DOCK10: variants seen among roughly 807,000 people sequenced by gnomAD.
DOCK10 encodes the protein dedicator of cytokinesis protein 10.
DOCK10 carries 145 observed loss-of-function variants against 280.1 expected under a neutral mutation model. The observed-to-expected ratio is 0.52, with a 90% CI of 0.45 to 0.59. DOCK10 has a LOEUF of 0.59. DOCK10 is among the 20% of genes least tolerant of loss of function. The pLI is 0.00. For synonymous variants in DOCK10, 915 were observed against 942.2 expected (o/e 0.97, Z 0.53); for missense variants, 2,368 against 2,651.7 (o/e 0.89, Z 2.35).
In DOCK10 at chr2:224,943,388, G is replaced by A. The variant is rs147953361; in HGVS notation, c.124-11720C>T. Among the ~76,000 whole-genome samples the A allele has an allele frequency of 6.4e-4, 97 of 152,220 alleles. 2 individuals carry two copies. Among genetic ancestry groups the A allele is most frequent in the Middle Eastern group, 3.4e-3 (1 of 294 alleles). On this transcript the variant is annotated intron_variant, in intron 1 of 55. Transcript: ENST00000258390. ...ATACAGACTAGTCCATCTGGGTCAAGAGGGTATAAAATCTGGGTTGCATAA... is the reference window on the plus strand; with the variant it reads ...ATACAGACTAGTCCATCTGGGTCAAAAGGGTATAAAATCTGGGTTGCATAA...
chr2:224,896,057 T>A lies in DOCK10; in HGVS notation c.416+238A>T, dbSNP rs142497446. On this transcript the variant is annotated intron_variant, in intron 4 of 55. Transcript: ENST00000258390. The stretch of plus-strand genomic sequence containing the variant: ...ATAATAATACAATGATAAATGAACG[T>A]CAAAACTACATTAAAAAATTAAATC... 4.0e-3 allele frequency among the ~76,000 whole-genome samples: 613 copies of A among 152,236 alleles called. 3 individuals carry two copies. The highest frequency in any genetic ancestry group is 0.01 in the South Asian group (49 of 4,830).
intron 1 of DOCK10, among the ~76,000 whole-genome samples, chr2:224,996,695 G>A (rs1425868478): frequency 6.6e-6 from 1 of 152,190 alleles, no homozygotes; most frequent in Non-Finnish European, 1.5e-5. Context: ...ATGTCAATAA[G>A]CATCAGCAAT....
In DOCK10 at chr2:224,804,993, A is replaced by C; in HGVS notation, c.4118+65T>G. ...ACTATATGGGTTCTTGAAATGAAAC[A>C]TGGTATAGTGGACTATTTAGAAATT... On this transcript the variant is annotated intron_variant, in intron 37 of 55. Transcript: ENST00000258390. The C allele has an allele frequency of 5.0e-6, 7 of 1,403,256 alleles. No homozygotes were observed. In the South Asian group the frequency reaches 9.5e-5, roughly 19 times the overall value. 86.9% of individuals were successfully genotyped at this position (1,403,256 alleles called of 1,614,324 possible). A position where few individuals can be genotyped will look rare whatever the true frequency, so the allele number is the denominator to read the frequency against.
chr2:224,958,111 T>C (rs149239264), intron 1 of DOCK10, among the ~76,000 whole-genome samples: 16 of 152,352 alleles, frequency 1.1e-4, no homozygotes, highest in Non-Finnish European at 2.1e-4. Context: ...CCACAGTATC[T>C]ACTTTATTAG....
intron 7 of DOCK10, among the ~76,000 whole-genome samples, chr2:224,882,204 A>G (rs988103228): frequency 2.6e-4 from 40 of 152,220 alleles, no homozygotes; most frequent in African/African-American, 9.2e-4. Flanking sequence ...GGATAGATGA[A>G]TGAATGTGAG....
In DOCK10 at chr2:224,901,030, C is replaced by G. The variant is rs1255292581; in HGVS notation, c.334-4653G>C. On this transcript the variant is annotated intron_variant, in intron 3 of 55. Coordinates refer to ENST00000258390, the MANE Select transcript of DOCK10 (RefSeq NM_014689.3). ...AAGAATGCTTCTAAATCTGTGATTTCTGTGATTTTGAGAAAGCCAGTGCAT... is the reference window on the plus strand; with the variant it reads ...AAGAATGCTTCTAAATCTGTGATTTGTGTGATTTTGAGAAAGCCAGTGCAT... Among the ~76,000 whole-genome samples the G allele has an allele frequency of 2.6e-5, 4 of 152,158 alleles. No homozygotes were observed. The East Asian group carries it at 7.7e-4, about 29-fold the overall frequency.
At chr2:224,898,006 G>A (rs186079431) in intron 3 of DOCK10, among the ~76,000 whole-genome samples, 66 of 152,266 alleles carry the variant, frequency 4.3e-4, no homozygotes, top group Admixed American at 3.4e-3. Flanking sequence ...AAAATGAAGA[G>A]TAATAAACCT....
intron 1 of DOCK10, among the ~76,000 whole-genome samples, chr2:225,035,289 G>A (rs1690189346): frequency 6.6e-6 from 1 of 151,896 alleles, no homozygotes; most frequent in Non-Finnish European, 1.5e-5. Flanking sequence ...GCCCATCAAA[G>A]AGGTCATGAA....
intron 18 of DOCK10, among the ~76,000 whole-genome samples, chr2:224,851,135 T>C (rs970654962): frequency 6.6e-6 from 1 of 152,216 alleles, no homozygotes; most frequent in Non-Finnish European, 1.5e-5. Context: ...GGCTGTGATA[T>C]GGCACTTCCT....
chr2:224,843,201 G>C (rs1339151564), intron 22 of DOCK10, among the ~76,000 whole-genome samples: 6 of 152,334 alleles, frequency 3.9e-5, no homozygotes, highest in Admixed American at 2.0e-4. Flanking sequence ...GAGGGGCTGA[G>C]TGTCAAAGGG....
Position 224,789,709 on chromosome 2 carries a change from C to T in DOCK10, c.5312-539G>A, listed in dbSNP as rs1272428818. Among the ~76,000 whole-genome samples the T allele has an allele frequency of 2.0e-5, 3 of 151,774 alleles. No homozygotes were observed. In the South Asian group the frequency reaches 6.2e-4, roughly 32 times the overall value. ...GAGCTATCACCATGCCATTGTACTCCAGCCTGGGTGACGGAGTGAGACCCT... is the reference window on the plus strand; with the variant it reads ...GAGCTATCACCATGCCATTGTACTCTAGCCTGGGTGACGGAGTGAGACCCT... On this transcript the variant is annotated intron_variant, in intron 47 of 55. Coordinates refer to ENST00000258390, the MANE Select transcript of DOCK10 (RefSeq NM_014689.3).
chr2:224,997,073 C>G (rs1255930847), intron 1 of DOCK10, among the ~76,000 whole-genome samples: 1 of 152,138 alleles, frequency 6.6e-6, no homozygotes, highest in Non-Finnish European at 1.5e-5. Flanking sequence ...TTTGGCATCT[C>G]CAAATTCTCA....
At chr2:224,864,726 C>T in intron 12 of DOCK10, 51 bp from the exon 13 acceptor site, 3 of 1,579,530 alleles carry the variant, frequency 1.9e-6, no homozygotes, top group African/African-American at 1.4e-5. Context: ...ACATTGTAGA[C>T]ATTTACAAAA....
chr2:224,814,234 A>G lies in DOCK10; in HGVS notation c.3409+86T>C, dbSNP rs932553458. ...GATATTAAATATGTGAATATTTATT[A>G]GCACCCAGAAACTGGAAATTTATAG... On this transcript the variant is annotated intron_variant, in intron 31 of 55. Transcript: ENST00000258390. 85 of 680,918 alleles carry G rather than the reference A, an allele frequency of 1.2e-4. No homozygotes were observed. In the Middle Eastern group the frequency reaches 1.5e-3, roughly 12 times the overall value. 42.2% of individuals were successfully genotyped at this position (680,918 alleles called of 1,614,324 possible).
At chr2:224,925,150 G>A (rs1701982171) in intron 2 of DOCK10, among the ~76,000 whole-genome samples, 1 of 151,500 alleles carries the variant, frequency 6.6e-6, no homozygotes, top group African/African-American at 2.4e-5. Flanking sequence ...AAAAGAGGTT[G>A]AGATTCTTAT....
In DOCK10 at chr2:224,771,040, C is replaced by T. The variant is rs566043708; in HGVS notation, c.6205-395G>A. The stretch of plus-strand genomic sequence containing the variant: ...CAAACTATTGGGCTCAAGTAATCCT[C>T]TCGCCTCAGCCTCTCAAGTAGCTGG... On this transcript the variant is annotated intron_variant, in intron 53 of 55. Transcript: ENST00000258390. Among the ~76,000 whole-genome samples the T allele has an allele frequency of 7.9e-5, 12 of 152,250 alleles. No individual in the cohort carries two copies. The South Asian group carries it at 1.7e-3, about 21-fold the overall frequency.
At chr2:224,999,251 T>TC (rs928337811) in intron 1 of DOCK10, among the ~76,000 whole-genome samples, 7 of 96,084 alleles carry the variant, frequency 7.3e-5, no homozygotes, top group East Asian at 4.0e-4. Flanking sequence ...TCTCTCTCTC[T>TC]TTTTTTTTTT....
chr2:224,876,056 G>A lies in DOCK10; in HGVS notation c.913C>T (p.Leu305Phe), dbSNP rs369935309. 1.9e-6 allele frequency: 3 copies of A among 1,613,596 alleles called. No homozygotes were observed. The highest frequency in any genetic ancestry group is 2.5e-6 in the Non-Finnish European group (3 of 1,179,738). Residue 305 changes from leucine to phenylalanine, a missense_variant, in exon 8 of 56, where the codon CTC becomes TTC. Around this residue, in one of 2 missense-constraint regions of DOCK10, gnomAD observed 1,209 missense variants for 1,250.9 expected, o/e 0.97. Coordinates refer to ENST00000258390, the MANE Select transcript of DOCK10 (RefSeq NM_014689.3). ...CTCTCACCCAGACCCAGATCAGTGA[G>A]CTCTGTGCTCCTCCTCCCTTGGAGG... is the stretch of plus-strand genomic sequence containing the variant. ...GPLQGRRSTE[L>F]TDLGLDSLDN...
intron 1 of DOCK10, among the ~76,000 whole-genome samples, chr2:224,997,781 C>A (rs1706315615): frequency 6.6e-6 from 1 of 152,036 alleles, no homozygotes; most frequent in African/African-American, 2.4e-5. Flanking sequence ...CTTGAAAGCA[C>A]CAGGATAGAA....
Sources: allele counts gnomAD v4.1 joint callset (sites outside exome capture counted in the v4.1 genomes callset), GRCh38; gene constraint gnomAD v4.1.1; regional missense constraint gnomAD v4.1.1; transcripts MANE v1.5; gene names NCBI Gene and HGNC (gene_info 2026-07-23, HGNC 2026-07-21).